Variants in RORA observed in about 807,000 individuals in gnomAD.
RORA encodes the protein RAR related orphan receptor A.
In RORA, 7 loss-of-function variants were observed where a neutral mutation model predicts 69.5. The observed-to-expected ratio is 0.10, with a 90% CI of 0.06 to 0.19. The LOEUF is 0.19. Ranked by LOEUF, RORA falls within the 10% of genes least tolerant of loss-of-function variation. RORA has a pLI of 1.00. For missense variants in RORA, 457 were observed against 663.0 expected, an observed-to-expected ratio of 0.69 and a Z score of 3.41; for synonymous variants, 261 against 240.8, an observed-to-expected ratio of 1.08 and a Z score of -0.78.
At chr15:60,867,306 G>T (rs963054571) in intron 1 of RORA, among the ~76,000 whole-genome samples, 1 of 152,146 alleles carries the variant, frequency 6.6e-6, no homozygotes, top group African/African-American at 2.4e-5. Context: ...GAAATCACAG[G>T]TGACAACATG....
At chr15:61,220,662 C>A (rs761389977) in intron 1 of RORA, among the ~76,000 whole-genome samples, 28 of 152,076 alleles carry the variant, frequency 1.8e-4, no homozygotes, top group Non-Finnish European at 2.8e-4. Flanking sequence ...CCCTTTACAC[C>A]CTAGGAAAGC....
chr15:61,089,472 AATGGCTGAGACCTGC>A (rs765917702), intron 1 of RORA, among the ~76,000 whole-genome samples: 7 of 152,180 alleles, frequency 4.6e-5, no homozygotes, highest in Non-Finnish European at 7.4e-5. Context: ...ATACACAGAA[AATGGCTGAGACCTGC>A]ATGGCTGAGA....
At chr15:60,648,225 A>T (rs1042235303) in intron 2 of RORA, among the ~76,000 whole-genome samples, 4 of 152,240 alleles carry the variant, frequency 2.6e-5, no homozygotes, top group Admixed American at 6.5e-5. Context: ...AATAAACCAC[A>T]TACCTCTTTA....
At chr15:60,645,996 G>A (rs1051565589) in intron 2 of RORA, among the ~76,000 whole-genome samples, 5 of 152,074 alleles carry the variant, frequency 3.3e-5, no homozygotes, top group African/African-American at 7.2e-5. Context: ...ACACAACTTC[G>A]GGGCCTCGCC....
intron 1 of RORA, among the ~76,000 whole-genome samples, chr15:60,813,247 G>T (rs1213752628): frequency 1.3e-5 from 2 of 152,192 alleles, no homozygotes; most frequent in Admixed American, 6.5e-5. Flanking sequence ...TCTCTGCCCA[G>T]GAAGAGCAGA....
chr15:60,996,323 C>T (rs1159987453), intron 1 of RORA, among the ~76,000 whole-genome samples: 1 of 152,112 alleles, frequency 6.6e-6, no homozygotes, highest in Admixed American at 6.5e-5. Flanking sequence ...CTGCCTGCCT[C>T]GGCCTCCCAA....
chr15:61,024,444 C>T lies in RORA; in HGVS notation c.166+204609G>A, dbSNP rs376110865. Among the ~76,000 whole-genome samples the T allele has an allele frequency of 5.1e-3, 568 of 111,334 alleles. 4 individuals are homozygous for T. Among genetic ancestry groups the T allele is most frequent in the African/African-American group, 0.018 (543 of 30,584 alleles). The allele number at this position is 111,334 out of a possible 152,430, so 73.0% of individuals were successfully genotyped here. A position where few individuals can be genotyped will look rare whatever the true frequency, so the allele number is the denominator to read the frequency against. Reference sequence around the variant, plus strand: ...GACTGCAGGTGCAAGCTACCATGCCCGGTAATGTTTTTTTTTTTTTTTGAG... The same window carrying T: ...GACTGCAGGTGCAAGCTACCATGCCTGGTAATGTTTTTTTTTTTTTTTGAG... On this transcript the variant is annotated intron_variant, in intron 1 of 10. Coordinates refer to ENST00000335670, the MANE Select transcript of RORA (RefSeq NM_134261.3).
At chr15:60,504,199 C>T (rs2065421141) in intron 6 of RORA, among the ~76,000 whole-genome samples, 2 of 152,118 alleles carry the variant, frequency 1.3e-5, no homozygotes, top group Non-Finnish European at 2.9e-5. Flanking sequence ...TTATTGTGCA[C>T]CTACTATGAG....
intron 1 of RORA, among the ~76,000 whole-genome samples, chr15:61,148,391 T>G (rs1207559751): frequency 6.6e-6 from 1 of 152,130 alleles, no homozygotes; most frequent in Admixed American, 6.5e-5. Context: ...TGCCTGTAGT[T>G]TCACTCTCCC....
At chr15:60,763,097 A>T (rs1381306099) in intron 1 of RORA, among the ~76,000 whole-genome samples, 4 of 12,802 alleles carry the variant, frequency 3.1e-4, no homozygotes, top group South Asian at 4.5e-3. Flanking sequence ...TTTTTTTTTT[A>T]ACCAACCTAC....
chr15:60,611,287 C>G (rs2069079264), intron 2 of RORA, among the ~76,000 whole-genome samples: 2 of 152,006 alleles, frequency 1.3e-5, no homozygotes, highest in African/African-American at 2.4e-5. Flanking sequence ...ACCCTTGTTT[C>G]AATATCTTCT....
In RORA at chr15:60,746,656, T is replaced by G. The variant is rs147117108; in HGVS notation, c.167-67970A>C. On this transcript the variant is annotated intron_variant, in intron 1 of 10. Coordinates refer to ENST00000335670, the MANE Select transcript of RORA (RefSeq NM_134261.3). ...ATTAACTTTCCAGAAGAGGTAAAGA[T>G]TCTAAGCCTGGGTTCACTGTACATG... Among the ~76,000 whole-genome samples, 885 of 152,222 alleles carry G rather than the reference T, an allele frequency of 5.8e-3. 4 individuals carry two copies. Among genetic ancestry groups the G allele is most frequent in the South Asian group, 0.018 (86 of 4,826 alleles).
intron 1 of RORA, among the ~76,000 whole-genome samples, chr15:61,048,322 A>C (rs183673857): frequency 1.5e-3 from 234 of 152,300 alleles, no homozygotes; most frequent in Admixed American, 4.1e-3. Flanking sequence ...TTATCCCAGG[A>C]AACGAGACCT....
rs200759858 is a variant in RORA, at chr15:61,054,532, C to T, written c.166+174521G>A. Reference sequence around the variant, plus strand: ...CCTGGATTTCTCATCCTCACTGAGGCACAAGAAACATCAGGCCTTTTGATT... The same window carrying T: ...CCTGGATTTCTCATCCTCACTGAGGTACAAGAAACATCAGGCCTTTTGATT... On this transcript the variant is annotated intron_variant, in intron 1 of 10. Transcript: ENST00000335670. Among the ~76,000 whole-genome samples the T allele has an allele frequency of 3.3e-5, 5 of 152,288 alleles. No individual in the cohort carries two copies. In the East Asian group the frequency reaches 9.6e-4, roughly 29 times the overall value.
At chr15:60,799,578 C>T (rs1474920845) in intron 1 of RORA, among the ~76,000 whole-genome samples, 2 of 151,944 alleles carry the variant, frequency 1.3e-5, no homozygotes, top group Non-Finnish European at 2.9e-5. Flanking sequence ...CTGCATTGGT[C>T]CAAAAACATT....
At chr15:60,973,180 A>G (rs1488931055) in intron 1 of RORA, among the ~76,000 whole-genome samples, 1 of 152,188 alleles carries the variant, frequency 6.6e-6, no homozygotes, top group East Asian at 1.9e-4. Context: ...GGGTCCTGGA[A>G]AGGAACATGA....
At chr15:60,921,154 C>T (rs1431321549) in intron 1 of RORA, among the ~76,000 whole-genome samples, 2 of 152,144 alleles carry the variant, frequency 1.3e-5, no homozygotes, top group African/African-American at 4.8e-5. Flanking sequence ...ATATGCCTAC[C>T]CCATGCCCCT....
intron 1 of RORA, among the ~76,000 whole-genome samples, chr15:61,057,769 G>C (rs532797679): frequency 6.6e-6 from 1 of 152,146 alleles, no homozygotes; most frequent in Non-Finnish European, 1.5e-5. Flanking sequence ...TTAACCCTGA[G>C]CACCCCACTC....
At chr15:60,597,593 TAC>T (rs1243515206) in intron 2 of RORA, among the ~76,000 whole-genome samples, 16 of 25,826 alleles carry the variant, frequency 6.2e-4, no homozygotes, top group East Asian at 2.5e-3. Flanking sequence ...TATATATATA[TAC>T]ACATATATAT....
Sources: gnomAD v4.1 joint callset for allele counts (sites outside exome capture counted in the v4.1 genomes callset) on GRCh38, gnomAD v4.1.1 for gene constraint, MANE v1.5 for transcripts, NCBI Gene and HGNC (gene_info 2026-07-23, HGNC 2026-07-21) for gene names.